Variants in KCNQ5 observed in about 807,000 individuals in gnomAD.
KCNQ5 encodes the protein potassium voltage-gated channel subfamily KQT member 5.
Under a neutral mutation model 98.2 loss-of-function variants are expected in KCNQ5, and 30 were observed. The ratio of observed to expected loss-of-function variants is 0.31; its 90% CI spans 0.23 to 0.41. The LOEUF is 0.41. Among genes scored for constraint, KCNQ5 ranks in the 10% least tolerant of loss-of-function variants. The pLI is 1.00. For synonymous variants in KCNQ5, 458 were observed against 449.4 expected, an observed-to-expected ratio of 1.02 and a Z score of -0.24; for missense variants, 835 against 1,182.5, an observed-to-expected ratio of 0.71 and a Z score of 4.31.
intron 9 of KCNQ5, among the ~76,000 whole-genome samples, chr6:73,129,335 T>C (rs527861178): frequency 1.4e-5 from 2 of 144,050 alleles, no homozygotes; most frequent in South Asian, 4.5e-4. Context: ...ATTCTGACAA[T>C]TGGTTACCTA....
chr6:73,105,238 C>A lies in KCNQ5; in HGVS notation c.919-19C>A. 6.9e-7 allele frequency: 1 copy of A among 1,447,416 alleles called. No homozygotes were observed. The highest frequency in any genetic ancestry group is 9.6e-7 in the Non-Finnish European group (1 of 1,037,914). 89.7% of individuals were successfully genotyped at this position (1,447,416 alleles called of 1,614,324 possible). A position where few individuals can be genotyped will look rare whatever the true frequency, so the allele number is the denominator to read the frequency against. ...CTCTCAAGTACTTAAGCTGCACATT[C>A]TATTTATTTTGTTTCTAGATTACAT... On this transcript the variant is annotated intron_variant, in intron 5 of 13. Coordinates refer to ENST00000370398, the MANE Select transcript of KCNQ5 (RefSeq NM_019842.4).
chr6:72,944,604 C>A (rs1005255342), intron 1 of KCNQ5, among the ~76,000 whole-genome samples: 1 of 152,202 alleles, frequency 6.6e-6, no homozygotes, highest in Non-Finnish European at 1.5e-5. Flanking sequence ...CTGAAATCTT[C>A]CACTGTTAAA....
At chr6:72,735,131 A>G (rs1770762251) in intron 1 of KCNQ5, among the ~76,000 whole-genome samples, 1 of 152,206 alleles carries the variant, frequency 6.6e-6, no homozygotes, top group Non-Finnish European at 1.5e-5. Flanking sequence ...GCTGTTGGAT[A>G]ACTTGGTGAT....
At chr6:72,952,408 C>T (rs745528103) in intron 1 of KCNQ5, among the ~76,000 whole-genome samples, 2 of 152,116 alleles carry the variant, frequency 1.3e-5, no homozygotes, top group Non-Finnish European at 2.9e-5. Flanking sequence ...GCTAGGTTCA[C>T]TTTAGACCCT....
At chr6:72,950,044 G>T (rs944971723) in intron 1 of KCNQ5, among the ~76,000 whole-genome samples, 2 of 151,786 alleles carry the variant, frequency 1.3e-5, no homozygotes, top group East Asian at 1.9e-4. Context: ...AATTGCTTTT[G>T]TTCCTTCAGG....
At chr6:72,946,617 T>C (rs924292866) in intron 1 of KCNQ5, among the ~76,000 whole-genome samples, 5 of 152,186 alleles carry the variant, frequency 3.3e-5, no homozygotes, top group African/African-American at 1.2e-4. Context: ...TTTGTACAAC[T>C]TTGAATTTAA....
intron 5 of KCNQ5, among the ~76,000 whole-genome samples, chr6:73,086,360 C>T (rs532571470): frequency 1.3e-5 from 2 of 152,294 alleles, no homozygotes; most frequent in Admixed American, 6.5e-5. Flanking sequence ...ATCATACCCC[C>T]ACTGTGGAAG....
chr6:72,732,208 A>T (rs1003013156), intron 1 of KCNQ5, among the ~76,000 whole-genome samples: 1 of 152,156 alleles, frequency 6.6e-6, no homozygotes, highest in African/African-American at 2.4e-5. Flanking sequence ...AGATACAGAG[A>T]TACTTCTAGT....
chr6:72,850,203 AC>A (rs1189345561), intron 1 of KCNQ5, among the ~76,000 whole-genome samples: 3 of 152,212 alleles, frequency 2.0e-5, no homozygotes, highest in African/African-American at 7.2e-5. Flanking sequence ...GCTCTGTCTT[AC>A]ATCAGCCAAT....
At chr6:73,046,873 C>T (rs2150361721) in intron 3 of KCNQ5, among the ~76,000 whole-genome samples, 1 of 152,164 alleles carries the variant, frequency 6.6e-6, no homozygotes, top group Non-Finnish European at 1.5e-5. Context: ...GAACTCCTGG[C>T]CTCAAGTAAT....
rs78325689 is a variant in KCNQ5, at chr6:72,754,154, A to G, written c.398+131567A>G. 4.3e-3 allele frequency among the ~76,000 whole-genome samples: 648 copies of G among 152,210 alleles called. 7 individuals are homozygous for G. Among genetic ancestry groups the G allele is most frequent in the African/African-American group, 0.015 (606 of 41,552 alleles). On this transcript the variant is annotated intron_variant, in intron 1 of 13. Coordinates refer to ENST00000370398, the MANE Select transcript of KCNQ5 (RefSeq NM_019842.4). ...CACCATTAAGTGTGATGTTACTTATAGGTTAACTTAAGGTGCCTTTTTTCA... is the reference window on the plus strand; with the variant it reads ...CACCATTAAGTGTGATGTTACTTATGGGTTAACTTAAGGTGCCTTTTTTCA...
chr6:72,932,370 T>A (rs149229416), intron 1 of KCNQ5, among the ~76,000 whole-genome samples: 54 of 152,238 alleles, frequency 3.5e-4, no homozygotes, highest in African/African-American at 1.3e-3. Context: ...AGATGAGGCC[T>A]AAGCCTGAAT....
intron 3 of KCNQ5, among the ~76,000 whole-genome samples, chr6:73,074,008 T>C (rs1015954122): frequency 2.6e-5 from 4 of 152,206 alleles, no homozygotes; most frequent in Admixed American, 6.5e-5. Context: ...TATTTTAGGT[T>C]GATATCCCAG....
chr6:73,146,908 G>T (rs771954706), intron 10 of KCNQ5, among the ~76,000 whole-genome samples: 4 of 152,088 alleles, frequency 2.6e-5, no homozygotes, highest in Admixed American at 6.6e-5. Context: ...ATTGGTTTTT[G>T]TATGTGAGTT....
At chr6:72,927,635 A>G (rs1257904152) in intron 1 of KCNQ5, among the ~76,000 whole-genome samples, 1 of 152,080 alleles carries the variant, frequency 6.6e-6, no homozygotes, top group Admixed American at 6.6e-5. Context: ...AAAATAAACT[A>G]TTTAAAGATC....
chr6:72,805,519 T>C lies in KCNQ5; in HGVS notation c.398+182932T>C, dbSNP rs1386208443. The stretch of plus-strand genomic sequence containing the variant: ...TTTCTGGGTTCTCTATTCTGTTCCA[T>C]TGATCTATGTGTCTGTTTTTATGCC... On this transcript the variant is annotated intron_variant, in intron 1 of 13. Transcript: ENST00000370398. Among the ~76,000 whole-genome samples, 3 of 152,180 alleles carry C rather than the reference T, an allele frequency of 2.0e-5. No homozygotes were observed. The East Asian group carries it at 5.8e-4, about 29-fold the overall frequency.
At chr6:72,974,349 T>G (rs765090226) in intron 1 of KCNQ5, among the ~76,000 whole-genome samples, 5 of 151,074 alleles carry the variant, frequency 3.3e-5, no homozygotes, top group Non-Finnish European at 5.9e-5. Flanking sequence ...TCTTTCTCTC[T>G]TCCCTTCCTC....
At chr6:72,813,299 G>A (rs1775334533) in intron 1 of KCNQ5, among the ~76,000 whole-genome samples, 1 of 151,996 alleles carries the variant, frequency 6.6e-6, no homozygotes, top group Admixed American at 6.6e-5. Context: ...AATATGTTAG[G>A]CCACTTGGGG....
chr6:72,770,129 T>C (rs1582256767), intron 1 of KCNQ5, among the ~76,000 whole-genome samples: 1 of 152,192 alleles, frequency 6.6e-6, no homozygotes, highest in Non-Finnish European at 1.5e-5. Context: ...TGGATTTTAA[T>C]GGCTCATTTG....
Sources: allele counts gnomAD v4.1 joint callset (sites outside exome capture counted in the v4.1 genomes callset), GRCh38; gene constraint gnomAD v4.1.1; transcripts MANE v1.5; gene names NCBI Gene and HGNC (gene_info 2026-07-23, HGNC 2026-07-21).